Variants in SMARCA1 observed in about 807,000 individuals in gnomAD.
SMARCA1 encodes SNF2 related chromatin remodeling ATPase 1, also known as SWI/SNF-related matrix-associated actin-dependent regulator of chromatin subfamily A member 1.
In SMARCA1, 17 loss-of-function variants were observed where a neutral mutation model predicts 93.6. The observed-to-expected ratio is 0.18, with a 90% CI of 0.12 to 0.27. The LOEUF (loss-of-function observed/expected upper bound fraction) is 0.27. Among genes scored for constraint, SMARCA1 ranks in the 10% least tolerant of loss-of-function variants. SMARCA1 has a pLI of 1.00. For missense variants in SMARCA1, 630 were observed against 819.0 expected (o/e 0.77, Z 2.82); for synonymous variants, 271 against 271.4 (o/e 1.00, Z 0.01).
At chrX:129,465,397 G>A (rs1393527326) in intron 23 of SMARCA1, 123 bp downstream of exon 23, 4 of 473,534 alleles carry the variant, frequency 8.4e-6, no homozygotes, top group Non-Finnish European at 1.5e-5. Context: ...CACACAGAGA[G>A]AGAGAAAGAG....
intron 5 of SMARCA1, among the ~76,000 whole-genome samples, chrX:129,514,650 A>T (rs1181823030): frequency 6.2e-5 from 7 of 112,349 alleles, no homozygotes; most frequent in Non-Finnish European, 1.1e-4. Context: ...AACATGGAAC[A>T]TAAATTAATG....
intron 9 of SMARCA1, among the ~76,000 whole-genome samples, 168 bp downstream of exon 9, chrX:129,504,566 A>T (rs1447193729): frequency 1.0e-5 from 1 of 97,500 alleles, no homozygotes; most frequent in African/African-American, 4.3e-5. Context: ...AAAAAAAAAA[A>T]AAAAAAAAAA....
At chrX:129,511,521 T>C (rs773337766) in intron 6 of SMARCA1, among the ~76,000 whole-genome samples, 1 of 107,254 alleles carries the variant, frequency 9.3e-6, no homozygotes, top group Non-Finnish European at 1.9e-5. Flanking sequence ...TCACTCAAAG[T>C]ACAATTCAAA....
At chrX:129,489,904 A>G (rs1197715082) in intron 15 of SMARCA1, among the ~76,000 whole-genome samples, 156 bp downstream of exon 15, 2 of 112,272 alleles carry the variant, frequency 1.8e-5, no homozygotes, top group African/African-American at 6.5e-5. Flanking sequence ...TAGGTGATAC[A>G]TAACAATTGT....
At chrX:129,456,633 G>C (rs1932637857) in intron 23 of SMARCA1, among the ~76,000 whole-genome samples, 1 of 112,029 alleles carries the variant, frequency 8.9e-6, no homozygotes, top group Non-Finnish European at 1.9e-5. Context: ...TTTAGAAGAA[G>C]GTGATTCCAG....
In SMARCA1 at chrX:129,512,036, A is replaced by T. The variant is rs1935036630; in HGVS notation, c.631-53T>A. 3 of 965,954 alleles carry T rather than the reference A, an allele frequency of 3.1e-6. No individual in the cohort carries two copies. In the South Asian group the frequency reaches 7.2e-5, roughly 23 times the overall value. 79.6% of individuals were successfully genotyped at this position (965,954 alleles called of 1,213,427 possible). ...CCATGAACATTTTTTCTGTAAGGAAACATTTTGTTAGGAACAACATAACAA... is the reference window on the plus strand; with the variant it reads ...CCATGAACATTTTTTCTGTAAGGAATCATTTTGTTAGGAACAACATAACAA... On this transcript the variant is annotated intron_variant, in intron 5 of 24. Coordinates refer to ENST00000371121, the MANE Select transcript of SMARCA1 (RefSeq NM_001282874.2).
rs1934853449 is a variant in SMARCA1 at position 129,507,342 on chromosome X, G to C, written c.966+599C>G. Among the ~76,000 whole-genome samples the C allele has an allele frequency of 2.7e-5, 3 of 111,721 alleles. No homozygotes were observed. The Admixed American group carries it at 2.9e-4, about 11-fold the overall frequency. ...CTCTCATCCATATAAATATATATAA[G>C]GTAGCCCCTCAATAAAAAATAAATC... is the stretch of plus-strand genomic sequence containing the variant. On this transcript the variant is annotated intron_variant, in intron 7 of 24. Transcript: ENST00000371121.
At chrX:129,461,645 C>T (rs1351148903) in intron 23 of SMARCA1, among the ~76,000 whole-genome samples, 10 of 111,843 alleles carry the variant, frequency 8.9e-5, no homozygotes, top group African/African-American at 3.2e-4. Flanking sequence ...GTATTACTTC[C>T]TCTTATGGTT....
At chrX:129,479,890 G>T (rs942776585) in intron 19 of SMARCA1, among the ~76,000 whole-genome samples, 2 of 110,802 alleles carry the variant, frequency 1.8e-5, no homozygotes, top group African/African-American at 6.6e-5. Flanking sequence ...TAGAGACGGG[G>T]TTTTGCCATG....
chrX:129,495,112 GGT>G (rs1403283255), intron 12 of SMARCA1, among the ~76,000 whole-genome samples: 1 of 112,185 alleles, frequency 8.9e-6, no homozygotes, highest in African/African-American at 3.2e-5. Context: ...CAGTGTGAGT[GGT>G]GTGTGTGCGA....
At chrX:129,516,191 T>C (rs1379109798) in intron 3 of SMARCA1, 140 bp downstream of exon 3, 7 of 636,441 alleles carry the variant, frequency 1.1e-5, no homozygotes, top group East Asian at 6.9e-5. Context: ...CAAAACATAA[T>C]TATAATGGCA....
At chrX:129,500,415 C>G (rs1934514486) in intron 9 of SMARCA1, among the ~76,000 whole-genome samples, 1 of 112,631 alleles carries the variant, frequency 8.9e-6, no homozygotes, top group Non-Finnish European at 1.9e-5. Context: ...ATCCACCCAC[C>G]TTGGCCTCCC....
chrX:129,523,405 AGGGGACGAGGG>A lies in SMARCA1; in HGVS notation c.-46_-36del. On this transcript the variant is annotated 5_prime_UTR_variant, in exon 1 of 25. Transcript: ENST00000371121. ...GCGGGAACGAGTAGGGGGACAAGGC[AGGGGACGAGGG>A]CTCCTGGGCGGCGGCAGTGGCTGCA... 1 of 1,107,158 alleles carries A rather than the reference AGGGGACGAGGG, an allele frequency of 9.0e-7. No individual in the cohort carries two copies. Among genetic ancestry groups the A allele is most frequent in the South Asian group, 2.1e-5 (1 of 47,634 alleles). The allele number at this position is 1,107,158 out of a possible 1,213,427, so 91.2% of individuals were successfully genotyped here.
rs1935032093 is a variant in SMARCA1, at chrX:129,511,943, T to C, written c.671A>G (p.Tyr224Cys). ...AGGAATATTTCGGTAGTGTTTCAGG[T>C]AACCAAGCAAAGCAATTGTTTGTAA... ...KTLQTIALLG[Y>C]LKHYRNIPGP... is the part of the protein sequence containing the mutation. Residue 224 changes from tyrosine to cysteine, a missense_variant, in exon 6 of 25, where the codon TAC (tyrosine) becomes TGC (cysteine). Physicochemically the swap from Tyr to Cys is radical, Grantham distance 194 (BLOSUM62 -2). Around this residue, in one of 4 missense-constraint regions of SMARCA1, gnomAD observed 382 missense variants for 537.9 expected, o/e 0.71. Transcript: ENST00000371121. The C allele has an allele frequency of 1.7e-6, 2 of 1,205,555 alleles. No homozygotes were observed. The highest frequency in any genetic ancestry group is 2.2e-6 in the Non-Finnish European group (2 of 893,130).
At chrX:129,505,393 T>C (rs1934770544) in intron 8 of SMARCA1, among the ~76,000 whole-genome samples, 1 of 110,390 alleles carries the variant, frequency 9.1e-6, no homozygotes. Flanking sequence ...GCACCTGTAA[T>C]CCCAGCTACT....
intron 6 of SMARCA1, 42 bp downstream of exon 6, chrX:129,511,762 A>G (rs887552811): frequency 1.9e-6 from 2 of 1,040,266 alleles, no homozygotes; most frequent in African/African-American, 1.9e-5. Context: ...TCCAGAAATG[A>G]TATTATTCTT....
chrX:129,460,188 A>C (rs779961241), intron 23 of SMARCA1, among the ~76,000 whole-genome samples: 52 of 111,868 alleles, frequency 4.6e-4, no homozygotes, highest in African/African-American at 1.7e-3. Context: ...TAGTCTTTTA[A>C]GTGCATGAGG....
At chrX:129,490,237 A>C (rs752261530) in intron 14 of SMARCA1, 45 bp from the exon 15 acceptor site, 38 of 977,470 alleles carry the variant, frequency 3.9e-5, no homozygotes, top group Non-Finnish European at 5.0e-5. Flanking sequence ...ATTCTGGATA[A>C]AATTTAGAGC....
chrX:129,455,027 C>T lies in SMARCA1; in HGVS notation c.3031-6584G>A, dbSNP rs1381913046. ...TGGTGGGAGTGTAAATTAGTTCAAC[C>T]ATTGTGGAAGACAGTGTGGCAATTC... On this transcript the variant is annotated intron_variant, in intron 23 of 24. Coordinates refer to ENST00000371121, the MANE Select transcript of SMARCA1 (RefSeq NM_001282874.2). Among the ~76,000 whole-genome samples, 9 of 111,610 alleles carry T rather than the reference C, an allele frequency of 8.1e-5. No homozygotes were observed. The East Asian group carries it at 2.5e-3, about 31-fold the overall frequency.
Sources: allele counts gnomAD v4.1 joint callset (sites outside exome capture counted in the v4.1 genomes callset), GRCh38; gene constraint gnomAD v4.1.1; regional missense constraint gnomAD v4.1.1; transcripts MANE v1.5; gene names NCBI Gene and HGNC (gene_info 2026-07-23, HGNC 2026-07-21).